Variants in HS3ST4 observed in about 807,000 individuals in gnomAD.
HS3ST4 encodes the protein heparan sulfate glucosamine 3-O-sulfotransferase 4.
HS3ST4 carries 17 observed loss-of-function variants against 29.2 expected under a neutral mutation model. That is an observed-to-expected ratio of 0.58 (90% CI 0.40 to 0.87). The LOEUF is 0.87. Ranked by LOEUF, HS3ST4 falls within the 40% of genes least tolerant of loss-of-function variation. HS3ST4 has a pLI of 0.00. For missense variants in HS3ST4, 627 were observed against 634.5 expected (o/e 0.99, Z 0.13); for synonymous variants, 314 against 285.7 (o/e 1.10, Z -1.00).
intron 1 of HS3ST4, among the ~76,000 whole-genome samples, chr16:25,861,518 T>C (rs1217228581): frequency 6.6e-6 from 1 of 152,222 alleles, no homozygotes; most frequent in African/African-American, 2.4e-5. Flanking sequence ...TTGTTTATTC[T>C]AAACTTTTTT....
At chr16:25,903,312 GTATATATTA>G (rs1489081044) in intron 1 of HS3ST4, among the ~76,000 whole-genome samples, 24 of 125,824 alleles carry the variant, frequency 1.9e-4, no homozygotes, top group African/African-American at 3.6e-4. Flanking sequence ...GTATGTATAT[GTATATATTA>G]TATATATGTA....
chr16:25,956,777 T>C (rs1371437130), intron 1 of HS3ST4, among the ~76,000 whole-genome samples: 1 of 151,830 alleles, frequency 6.6e-6, no homozygotes, highest in Non-Finnish European at 1.5e-5. Flanking sequence ...GGCGGGCACA[T>C]CATGAGGTCA....
chr16:25,848,295 C>T (rs566655990), intron 1 of HS3ST4, among the ~76,000 whole-genome samples: 1 of 151,966 alleles, frequency 6.6e-6, no homozygotes, highest in African/African-American at 2.4e-5. Context: ...TGTGCCACCA[C>T]GTCCGGCTAA....
chr16:25,860,821 G>A (rs1019570414), intron 1 of HS3ST4, among the ~76,000 whole-genome samples: 8 of 152,122 alleles, frequency 5.3e-5, no homozygotes, highest in African/African-American at 1.2e-4. Flanking sequence ...GCCCAGACCC[G>A]TAGGACATAC....
chr16:25,751,323 T>G (rs1966718445), intron 1 of HS3ST4, among the ~76,000 whole-genome samples: 1 of 152,150 alleles, frequency 6.6e-6, no homozygotes, highest in Non-Finnish European at 1.5e-5. Flanking sequence ...CGTCATTCAG[T>G]TTCCCTCCAT....
At chr16:25,772,775 G>GA (rs1342418941) in intron 1 of HS3ST4, among the ~76,000 whole-genome samples, 2 of 152,204 alleles carry the variant, frequency 1.3e-5, no homozygotes, top group Admixed American at 1.3e-4. Context: ...CTTAGAGAGA[G>GA]AGGGTGAGAA....
chr16:25,906,435 T>A (rs1261282163), intron 1 of HS3ST4, among the ~76,000 whole-genome samples: 2 of 152,176 alleles, frequency 1.3e-5, no homozygotes, highest in Non-Finnish European at 2.9e-5. Flanking sequence ...AATAATATTT[T>A]AAATGCTTAT....
In HS3ST4 at chr16:25,716,781, C is replaced by T. The variant is rs192396819; in HGVS notation, c.734+23630C>T. Reference sequence around the variant, plus strand: ...TAAAGAAGGGGAATTAGGTCAGACGCGGTGGCTCACGCCTGTAATCCTAGC... The same window carrying T: ...TAAAGAAGGGGAATTAGGTCAGACGTGGTGGCTCACGCCTGTAATCCTAGC... On this transcript the variant is annotated intron_variant, in intron 1 of 1. Transcript: ENST00000331351. 4.3e-3 allele frequency among the ~76,000 whole-genome samples: 660 copies of T among 152,310 alleles called. 3 individuals carry two copies. Among genetic ancestry groups the T allele is most frequent in the Non-Finnish European group, 5.8e-3 (397 of 68,024 alleles).
intron 1 of HS3ST4, among the ~76,000 whole-genome samples, chr16:25,962,112 G>A (rs535989823): frequency 2.1e-4 from 32 of 152,266 alleles, no homozygotes; most frequent in African/African-American, 7.0e-4. Flanking sequence ...AACACACCCA[G>A]TAGCCTCTTT....
chr16:26,128,379 C>G (rs535161117), intron 1 of HS3ST4, among the ~76,000 whole-genome samples: 1 of 152,308 alleles, frequency 6.6e-6, no homozygotes, highest in South Asian at 2.1e-4. Flanking sequence ...TAACCTGACC[C>G]TCTTGTTGCA....
intron 1 of HS3ST4, among the ~76,000 whole-genome samples, chr16:25,800,298 G>A (rs1387305550): frequency 6.6e-6 from 1 of 151,900 alleles, no homozygotes; most frequent in Non-Finnish European, 1.5e-5. Context: ...CCTATTTATG[G>A]GAGTGGAATC....
At position 25,976,169 on chromosome 16, in the gene HS3ST4, A is replaced by C. The variant is rs112838263; in HGVS notation, c.735-159443A>C. On this transcript the variant is annotated intron_variant, in intron 1 of 1. Coordinates refer to ENST00000331351, the MANE Select transcript of HS3ST4 (RefSeq NM_006040.3). ...TTTGTCCAGTATTAATTAGGTTAAAAACGTGATCCCGTATATGACTTTTTA... is the reference window on the plus strand; with the variant it reads ...TTTGTCCAGTATTAATTAGGTTAAACACGTGATCCCGTATATGACTTTTTA... Among the ~76,000 whole-genome samples the C allele has an allele frequency of 3.5e-4, 54 of 152,344 alleles. No homozygotes were observed. In the Middle Eastern group the frequency reaches 0.02, roughly 58 times the overall value.
At chr16:25,986,400 G>A (rs1012653932) in intron 1 of HS3ST4, among the ~76,000 whole-genome samples, 1 of 152,190 alleles carries the variant, frequency 6.6e-6, no homozygotes, top group Non-Finnish European at 1.5e-5. Flanking sequence ...CTGAGAATCA[G>A]GGGAGTGTTT....
chr16:25,695,464 C>A (rs2141578050), intron 1 of HS3ST4, among the ~76,000 whole-genome samples: 1 of 152,330 alleles, frequency 6.6e-6, no homozygotes, highest in Non-Finnish European at 1.5e-5. Context: ...GACCACTCTC[C>A]AGCCTTACCA....
At chr16:25,724,723 G>T (rs752560135) in intron 1 of HS3ST4, among the ~76,000 whole-genome samples, 5 of 152,046 alleles carry the variant, frequency 3.3e-5, no homozygotes, top group Non-Finnish European at 5.9e-5. Flanking sequence ...ACCTGAACCC[G>T]AAGTAGAGCT....
intron 1 of HS3ST4, among the ~76,000 whole-genome samples, chr16:25,987,629 A>G (rs1023011457): frequency 6.6e-6 from 1 of 152,156 alleles, no homozygotes; most frequent in Non-Finnish European, 1.5e-5. Flanking sequence ...TTGGGAGTCT[A>G]AGGGGACAGT....
At chr16:26,019,734 C>T (rs777121424) in intron 1 of HS3ST4, among the ~76,000 whole-genome samples, 8 of 152,110 alleles carry the variant, frequency 5.3e-5, no homozygotes, top group Non-Finnish European at 8.8e-5. Flanking sequence ...TAACATGGAT[C>T]GAGGGCTATT....
intron 1 of HS3ST4, among the ~76,000 whole-genome samples, chr16:25,753,243 A>G (rs932315389): frequency 6.6e-6 from 1 of 152,362 alleles, no homozygotes; most frequent in African/African-American, 2.4e-5. Flanking sequence ...GGCTGATTCA[A>G]TAGCAGAACA....
chr16:25,785,240 A>T (rs565233285), intron 1 of HS3ST4, among the ~76,000 whole-genome samples: 3 of 152,360 alleles, frequency 2.0e-5, no homozygotes, highest in Non-Finnish European at 2.9e-5. Context: ...TAATGTTTTC[A>T]TGTGTGTTAA....
Sources: gnomAD v4.1 joint callset for allele counts (sites outside exome capture counted in the v4.1 genomes callset) on GRCh38, gnomAD v4.1.1 for gene constraint, MANE v1.5 for transcripts, NCBI Gene and HGNC (gene_info 2026-07-23, HGNC 2026-07-21) for gene names.